The following RAPH1 variants were observed in gnomAD, a reference collection of about 807,000 sequenced individuals.
The protein encoded by RAPH1 is Ras association (RalGDS/AF-6) and pleckstrin homology domains 1.
In RAPH1, 18 loss-of-function variants were observed where a neutral mutation model predicts 88.1. That is an observed-to-expected ratio of 0.20 (90% CI 0.14 to 0.30). The LOEUF (loss-of-function observed/expected upper bound fraction) is 0.30. RAPH1 is among the 10% of genes least tolerant of loss of function. The pLI is 1.00. For missense variants in RAPH1, 1,448 were observed against 1,543.2 expected, an observed-to-expected ratio of 0.94 and a Z score of 1.03; for synonymous variants, 587 against 559.0, an observed-to-expected ratio of 1.05 and a Z score of -0.71.
chr2:203,466,917 A>C (rs1037657748), intron 4 of RAPH1, among the ~76,000 whole-genome samples: 4 of 152,212 alleles, frequency 2.6e-5, no homozygotes, highest in African/African-American at 9.7e-5. Context: ...ACTTACAGAA[A>C]GTGCTACTGT....
intron 7 of RAPH1, among the ~76,000 whole-genome samples, chr2:203,458,292 G>A (rs2098521481): frequency 6.6e-6 from 1 of 152,052 alleles, no homozygotes; most frequent in Admixed American, 6.6e-5. Context: ...TCGCTTGGAG[G>A]CGGAGGTTGC....
At chr2:203,528,922 T>A (rs917896486) in intron 1 of RAPH1, among the ~76,000 whole-genome samples, 1 of 146,098 alleles carries the variant, frequency 6.8e-6, no homozygotes, top group Non-Finnish European at 1.5e-5. Flanking sequence ...TTGGGAAACA[T>A]GCAAAATTTG....
chr2:203,491,974 T>C (rs1688287331), intron 2 of RAPH1, among the ~76,000 whole-genome samples: 1 of 152,110 alleles, frequency 6.6e-6, no homozygotes, highest in African/African-American at 2.4e-5. Flanking sequence ...ATGGCTCACT[T>C]TGTAATCCCA....
Position 203,434,079 on chromosome 2 carries a change from T to G in RAPH1, c.*5358A>C, listed in dbSNP as rs2264901. ...ATCTATATATATATATATATATATATAGCTTTGCACAATCAGGGAGCAAGG... is the reference window on the plus strand; with the variant it reads ...ATCTATATATATATATATATATATAGAGCTTTGCACAATCAGGGAGCAAGG... On this transcript the variant is annotated 3_prime_UTR_variant, in exon 14 of 14. Transcript: ENST00000319170. The G allele has an allele frequency of 0.086, 13,003 of 150,398 alleles. 1,019 individuals carry two copies. Among genetic ancestry groups the G allele is most frequent in the African/African-American group, 0.21 (8,498 of 40,542 alleles). The allele number at this position is 150,398 out of a possible 1,614,324, so 9.3% of individuals were successfully genotyped here.
chr2:203,527,669 G>A (rs999722062), intron 1 of RAPH1, among the ~76,000 whole-genome samples: 8 of 151,892 alleles, frequency 5.3e-5, no homozygotes, highest in Middle Eastern at 6.8e-3. Flanking sequence ...GCGTGTTGGC[G>A]CATGCCTGTA....
At chr2:203,492,952 C>A (rs1559484700) in intron 2 of RAPH1, among the ~76,000 whole-genome samples, 1 of 152,144 alleles carries the variant, frequency 6.6e-6, no homozygotes, top group Admixed American at 6.5e-5. Flanking sequence ...AAAACTTAAA[C>A]TTGTTTTAAT....
chr2:203,516,388 G>A (rs1689606470), intron 1 of RAPH1, among the ~76,000 whole-genome samples: 1 of 152,166 alleles, frequency 6.6e-6, no homozygotes, highest in African/African-American at 2.4e-5. Context: ...TAATAAATAT[G>A]GCAGATATTA....
intron 1 of RAPH1, among the ~76,000 whole-genome samples, chr2:203,506,752 A>ATC (rs1559494124): frequency 7.8e-6 from 1 of 128,352 alleles, no homozygotes; most frequent in Non-Finnish European, 1.6e-5. Context: ...CTATATATAT[A>ATC]TATATCTATA....
Position 203,524,168 on chromosome 2 carries a change from A to C in RAPH1, c.-1+10943T>G, listed in dbSNP as rs114296623. Among the ~76,000 whole-genome samples the C allele has an allele frequency of 7.5e-3, 1,149 of 152,316 alleles. 8 individuals are homozygous for C. The highest frequency in any genetic ancestry group is 0.012 in the Non-Finnish European group (814 of 68,018). ...GGCAAAGACTTGCTGTCACTTCCCA[A>C]ATGACTAAGAACATTACATTGCTCA... On this transcript the variant is annotated intron_variant, in intron 1 of 13. Coordinates refer to ENST00000319170, the MANE Select transcript of RAPH1 (RefSeq NM_213589.3).
rs55881728 is a variant in RAPH1, at chr2:203,441,633, A to T, written c.1777-220T>A. ...AAACAGAAAACTTGTTTTACCCCAC[A>T]GTAAAATAGCTAGACCATCTAACAA... is the stretch of plus-strand genomic sequence containing the variant. On this transcript the variant is annotated intron_variant, in intron 13 of 13. Transcript: ENST00000319170. 1 of 1,338,778 alleles carries T rather than the reference A, an allele frequency of 7.5e-7. No homozygotes were observed. The highest frequency in any genetic ancestry group is 9.5e-7 in the Non-Finnish European group (1 of 1,051,816). The allele number at this position is 1,338,778 out of a possible 1,614,324, so 82.9% of individuals were successfully genotyped here.
chr2:203,438,034 A>G lies in RAPH1; in HGVS notation c.*1403T>C, dbSNP rs777949324. On this transcript the variant is annotated 3_prime_UTR_variant, in exon 14 of 14. Transcript: ENST00000319170. ...TTCACAGAAAAAAGCATATAGAAGT[A>G]TAGTGTGTCGTTAGAGCACTGACTC... 12 of 429,844 alleles carry G rather than the reference A, an allele frequency of 2.8e-5. No homozygotes were observed. The highest frequency in any genetic ancestry group is 2.4e-4 in the Admixed American group (9 of 37,796). 26.6% of individuals were successfully genotyped at this position (429,844 alleles called of 1,614,324 possible). A position where few individuals can be genotyped will look rare whatever the true frequency, so the allele number is the denominator to read the frequency against.
intron 1 of RAPH1, among the ~76,000 whole-genome samples, chr2:203,505,837 A>ACG (rs983011347): frequency 1.3e-5 from 2 of 152,160 alleles, no homozygotes; most frequent in Non-Finnish European, 2.9e-5. Context: ...CTATACACAC[A>ACG]CGCGCGCGCA....
At position 203,500,651 on chromosome 2, in the gene RAPH1, CACTT is replaced by C. The variant is rs1452001630; in HGVS notation, c.1-5302_1-5299del. On this transcript the variant is annotated intron_variant, in intron 1 of 13. Transcript: ENST00000319170. ...AGTTACCCAGGGTATTGCTTATACT[CACTT>C]AAGTTTAACAAAATATAAACAACTA... 2.6e-5 allele frequency among the ~76,000 whole-genome samples: 4 copies of C among 152,276 alleles called. No individual in the cohort carries two copies. In the South Asian group the frequency reaches 8.3e-4, roughly 32 times the overall value.
intron 1 of RAPH1, among the ~76,000 whole-genome samples, chr2:203,523,538 T>C (rs1689987733): frequency 6.6e-6 from 1 of 151,840 alleles, no homozygotes; most frequent in Admixed American, 6.6e-5. Flanking sequence ...GATTGTAGAC[T>C]AAAATGTAAA....
chr2:203,518,237 T>A (rs114610184), intron 1 of RAPH1, among the ~76,000 whole-genome samples: 1,869 of 152,222 alleles, frequency 0.012, 19 homozygotes, highest in Non-Finnish European at 0.018. Flanking sequence ...ACTATAAGGC[T>A]GGGCACAGTG....
chr2:203,467,222 T>C (rs1311688116), intron 4 of RAPH1, among the ~76,000 whole-genome samples: 1 of 152,094 alleles, frequency 6.6e-6, no homozygotes, highest in Admixed American at 6.6e-5. Flanking sequence ...ATAAATACAT[T>C]TGACCCTCCA....
At chr2:203,484,713 C>T (rs770943114) in intron 4 of RAPH1, among the ~76,000 whole-genome samples, 2 of 152,230 alleles carry the variant, frequency 1.3e-5, no homozygotes, top group Non-Finnish European at 2.9e-5. Context: ...GGTGATGGTG[C>T]GACTAAAAGC....
chr2:203,440,563 G>A lies in RAPH1; in HGVS notation c.2627C>T (p.Pro876Leu). 1 of 1,551,044 alleles carries A rather than the reference G, an allele frequency of 6.4e-7. No homozygotes were observed. Among genetic ancestry groups the A allele is most frequent in the South Asian group, 1.2e-5 (1 of 80,852 alleles). Residue 876 changes from proline to leucine, a missense_variant, in exon 14 of 14, where the codon CCT (proline) becomes CTT (leucine). Coordinates refer to ENST00000319170, the MANE Select transcript of RAPH1 (RefSeq NM_213589.3). ...CTTTAAGGGCTGAGATTCCATGGCAGGGGGAGTTGGAGGGGGTGGAAACTG... is the reference window on the plus strand; with the variant it reads ...CTTTAAGGGCTGAGATTCCATGGCAAGGGGAGTTGGAGGGGGTGGAAACTG... ...ASQFPPPPTP[P>L]AMESQPLKPV...
chr2:203,454,403 A>G (rs2098517455), intron 10 of RAPH1, 27 bp downstream of exon 10: 1 of 1,481,678 alleles, frequency 6.7e-7, no homozygotes, highest in Non-Finnish European at 9.3e-7. Context: ...CATCAATTAA[A>G]ATTCCTAAAA....
Sources: gnomAD v4.1 joint callset for allele counts (sites outside exome capture counted in the v4.1 genomes callset) on GRCh38, gnomAD v4.1.1 for gene constraint, MANE v1.5 for transcripts, NCBI Gene and HGNC (gene_info 2026-07-23, HGNC 2026-07-21) for gene names.